FUT8: variants seen among roughly 807,000 people sequenced by gnomAD.
FUT8 encodes the protein alpha-(1,6)-fucosyltransferase.
Under a neutral mutation model 71.3 loss-of-function variants are expected in FUT8, and 29 were observed. The observed-to-expected ratio is 0.41, with a 90% CI of 0.30 to 0.55. The LOEUF is 0.55. Ranked by LOEUF, FUT8 falls within the 20% of genes least tolerant of loss-of-function variation. FUT8 has a pLI of 0.34. For synonymous variants in FUT8, 254 were observed against 239.3 expected, an observed-to-expected ratio of 1.06 and a Z score of -0.57; for missense variants, 544 against 702.1, an observed-to-expected ratio of 0.77 and a Z score of 2.55.
At chr14:65,617,040 T>A (rs1172059116) in intron 5 of FUT8, 9 of 1,553,322 alleles carry the variant, frequency 5.8e-6, no homozygotes, top group Non-Finnish European at 7.8e-6. Flanking sequence ...ATAAATACAG[T>A]GAAACCTGTC....
rs553900518 is a variant in FUT8 at position 65,609,502 on chromosome 14, A to C, written c.204-6476A>C. On this transcript the variant is annotated intron_variant, in intron 3 of 10. Coordinates refer to ENST00000673929, the MANE Select transcript of FUT8 (RefSeq NM_001371533.1). ...ATTTCTTGTTTTCCTCTTGTTGTGAAAACTGTCTGCTAAATTATCTTTGTG... is the reference window on the plus strand; with the variant it reads ...ATTTCTTGTTTTCCTCTTGTTGTGACAACTGTCTGCTAAATTATCTTTGTG... Among the ~76,000 whole-genome samples the C allele has an allele frequency of 4.1e-4, 62 of 151,912 alleles. 1 individual carries two copies. The highest frequency in any genetic ancestry group is 1.4e-3 in the African/African-American group (57 of 41,480).
chr14:65,371,057 G>A, the FUT8 span, among the ~76,000 whole-genome samples: 1 of 152,208 alleles, frequency 6.6e-6, no homozygotes, highest in Non-Finnish European at 1.5e-5. Flanking sequence ...GCCAATAAGA[G>A]TTTCAGATGA....
At chr14:65,383,450 T>C in the FUT8 span, among the ~76,000 whole-genome samples, 7 of 152,112 alleles carry the variant, frequency 4.6e-5, no homozygotes, top group Non-Finnish European at 1.0e-4. Flanking sequence ...AATTTTTATA[T>C]TTTTAGTAGA....
the FUT8 span, among the ~76,000 whole-genome samples, chr14:65,389,195 TTTTA>T: frequency 2.0e-5 from 3 of 150,898 alleles, no homozygotes; most frequent in Admixed American, 6.6e-5. Context: ...AAAAATTATT[TTTTA>T]TTTTTATTTT....
rs182046688 is a variant in FUT8 at position 65,736,521 on chromosome 14, T to C, written c.1410+3140T>C. On this transcript the variant is annotated intron_variant, in intron 10 of 10. Coordinates refer to ENST00000673929, the MANE Select transcript of FUT8 (RefSeq NM_001371533.1). ...CTCTGGGCCAATGTACCACCTCAAC[T>C]TCATTTTGTTTAGCTTATTGAAAGA... is the stretch of plus-strand genomic sequence containing the variant. Among the ~76,000 whole-genome samples the C allele has an allele frequency of 3.5e-3, 534 of 152,016 alleles. 2 individuals carry two copies. Among genetic ancestry groups the C allele is most frequent in the African/African-American group, 0.012 (507 of 41,490 alleles).
chr14:65,677,151 T>TGTGTGTGCGC, intron 7 of FUT8, among the ~76,000 whole-genome samples: 2,486 of 110,620 alleles, frequency 0.022, 47 homozygotes, highest in Middle Eastern at 0.035. Context: ...TGTGTGTGTG[T>TGTGTGTGCGC]GCGCGCGCGC....
intron 2 of FUT8, among the ~76,000 whole-genome samples, chr14:65,557,908 A>G (rs943371722): frequency 1.3e-5 from 2 of 152,214 alleles, no homozygotes; most frequent in South Asian, 2.1e-4. Context: ...ACTTTCACAA[A>G]TAAGTTGAGT....
At chr14:65,430,476 T>G (rs1291430059) in intron 1 of FUT8, among the ~76,000 whole-genome samples, 1 of 152,200 alleles carries the variant, frequency 6.6e-6, no homozygotes, top group Non-Finnish European at 1.5e-5. Context: ...GTTCTGAAGC[T>G]TCAAAATATT....
intron 3 of FUT8, among the ~76,000 whole-genome samples, chr14:65,605,341 C>G (rs563637939): frequency 3.8e-4 from 58 of 152,008 alleles, no homozygotes; most frequent in African/African-American, 1.3e-3. Context: ...TTGCTTCCCC[C>G]ACCCATCCAG....
rs60967671 is a variant in FUT8, at chr14:65,643,665, T to TACACACACAC, written c.597+14100_597+14109dup. On this transcript the variant is annotated intron_variant, in intron 6 of 10. Transcript: ENST00000673929. The surrounding 1 kb of genome is among the most constrained non-coding windows in gnomAD (Gnocchi z 4.5). ...CGAGACTCCGTCTTTAAAAAAAAAA[T>TACACACACAC]ACACACACACACACACACACACACA... Among the ~76,000 whole-genome samples, 4,245 of 124,628 alleles carry TACACACACAC rather than the reference T, an allele frequency of 0.034. 149 individuals carry two copies. Among genetic ancestry groups the TACACACACAC allele is most frequent in the South Asian group, 0.049 (163 of 3,342 alleles). 81.8% of individuals were successfully genotyped at this position (124,628 alleles called of 152,430 possible).
chr14:65,650,297 T>TCA (rs1566875033), intron 6 of FUT8, among the ~76,000 whole-genome samples: 3 of 7,360 alleles, frequency 4.1e-4, no homozygotes, highest in African/African-American at 7.1e-4. Flanking sequence ...AGACTCTGTC[T>TCA]CAAAAAAAAA....
intron 2 of FUT8, among the ~76,000 whole-genome samples, chr14:65,494,773 C>T (rs1363152388): frequency 6.6e-6 from 1 of 151,628 alleles, no homozygotes; most frequent in Non-Finnish European, 1.5e-5. Context: ...ATATTAAATC[C>T]TATAAAAAGA....
At chr14:65,456,309 A>G (rs1171637508) in intron 2 of FUT8, among the ~76,000 whole-genome samples, 1 of 152,114 alleles carries the variant, frequency 6.6e-6, no homozygotes, top group Non-Finnish European at 1.5e-5. Context: ...TGCCTTTTCC[A>G]ATGTTATTTA....
At chr14:65,595,485 A>G (rs1024524587) in intron 3 of FUT8, among the ~76,000 whole-genome samples, 1 of 152,160 alleles carries the variant, frequency 6.6e-6, no homozygotes, top group Non-Finnish European at 1.5e-5. Context: ...TCTGGATTAG[A>G]ACTAAAACCA....
the FUT8 span, among the ~76,000 whole-genome samples, chr14:65,359,160 T>C: frequency 6.6e-6 from 1 of 152,312 alleles, no homozygotes; most frequent in Admixed American, 6.5e-5. Flanking sequence ...GGGTTTGTCT[T>C]ACTGTTTTCT....
chr14:65,593,319 A>G (rs1363099969), intron 3 of FUT8, among the ~76,000 whole-genome samples: 6 of 152,256 alleles, frequency 3.9e-5, no homozygotes, highest in African/African-American at 1.4e-4. Context: ...TTAAATGAAT[A>G]TTAAAGTTAA....
At chr14:65,368,215 G>A in the FUT8 span, among the ~76,000 whole-genome samples, 6 of 150,828 alleles carry the variant, frequency 4.0e-5, no homozygotes, top group East Asian at 2.0e-4. Context: ...CACCACGCCC[G>A]GCTAATTTTT....
chr14:65,702,819 A>G (rs948512154), intron 7 of FUT8, among the ~76,000 whole-genome samples: 2 of 151,694 alleles, frequency 1.3e-5, no homozygotes, highest in Non-Finnish European at 2.9e-5. Context: ...GCTCACTGCA[A>G]CCTCCACCTC....
chr14:65,676,130 AAT>A (rs756883956), intron 7 of FUT8, among the ~76,000 whole-genome samples: 1 of 152,216 alleles, frequency 6.6e-6, no homozygotes, highest in Non-Finnish European at 1.5e-5. Flanking sequence ...GTTTTGAAAA[AAT>A]AGTCTATTAC....
Sources: allele counts gnomAD v4.1 joint callset (sites outside exome capture counted in the v4.1 genomes callset), GRCh38; gene constraint gnomAD v4.1.1; non-coding constraint Gnocchi (gnomAD v3.1); transcripts MANE v1.5; gene names NCBI Gene and HGNC (gene_info 2026-07-23, HGNC 2026-07-21).